Variants in CACNA2D3 observed in about 807,000 individuals in gnomAD.
The protein encoded by CACNA2D3 is calcium voltage-gated channel auxiliary subunit alpha2delta 3.
A neutral mutation model predicts 160.6 loss-of-function variants in CACNA2D3; 60 were observed. The observed-to-expected ratio is 0.37, with a 90% CI of 0.30 to 0.46. The LOEUF (loss-of-function observed/expected upper bound fraction) is 0.46, where lower values mean the gene tolerates loss of function less well. CACNA2D3 is among the 20% of genes least tolerant of loss of function. CACNA2D3 has a pLI of 1.00. For synonymous variants in CACNA2D3, 558 were observed against 492.9 expected (o/e 1.13, Z -1.75); for missense variants, 1,205 against 1,365.0 (o/e 0.88, Z 1.85).
At chr3:54,537,998 T>TCACTAACATTTTTCACC (rs1391421775) in intron 5 of CACNA2D3, among the ~76,000 whole-genome samples, 4 of 152,130 alleles carry the variant, frequency 2.6e-5, no homozygotes, top group African/African-American at 9.7e-5. Flanking sequence ...TGCTCTTCAT[T>TCACTAACATTTTTCACC]CACTAACATT....
chr3:54,373,341 T>C (rs756152499), intron 3 of CACNA2D3, among the ~76,000 whole-genome samples: 2 of 152,192 alleles, frequency 1.3e-5, no homozygotes, highest in East Asian at 3.8e-4. Context: ...CTTGGTCTTA[T>C]TACACAGGGT....
At chr3:54,525,171 T>C (rs1211298137) in intron 5 of CACNA2D3, among the ~76,000 whole-genome samples, 1 of 152,188 alleles carries the variant, frequency 6.6e-6, no homozygotes, top group Non-Finnish European at 1.5e-5. Flanking sequence ...AATGTATTTC[T>C]GGATATTTTT....
intron 2 of CACNA2D3, among the ~76,000 whole-genome samples, chr3:54,288,876 T>C (rs185819367): frequency 2.0e-5 from 3 of 152,276 alleles, no homozygotes; most frequent in Admixed American, 2.0e-4. Context: ...TCAACAACCT[T>C]CATGCTAAAA....
At chr3:54,302,898 G>T (rs1174946432) in intron 2 of CACNA2D3, among the ~76,000 whole-genome samples, 1 of 151,882 alleles carries the variant, frequency 6.6e-6, no homozygotes, top group Non-Finnish European at 1.5e-5. Flanking sequence ...GTTATTGAGG[G>T]TGATCTTATT....
chr3:54,927,009 A>G (rs1701041631), intron 27 of CACNA2D3, among the ~76,000 whole-genome samples: 1 of 152,202 alleles, frequency 6.6e-6, no homozygotes, highest in Non-Finnish European at 1.5e-5. Flanking sequence ...ACATCTGCCA[A>G]GGGCATTTTA....
Position 54,433,620 on chromosome 3 carries a change from A to T in CACNA2D3, c.381+46846A>T, listed in dbSNP as rs187235113. 6.6e-5 allele frequency among the ~76,000 whole-genome samples: 10 copies of T among 152,314 alleles called. No homozygotes were observed. The East Asian group carries it at 1.7e-3, about 27-fold the overall frequency. On this transcript the variant is annotated intron_variant, in intron 4 of 37. Coordinates refer to ENST00000474759, the MANE Select transcript of CACNA2D3 (RefSeq NM_018398.3). ...TAGATATCACATAACAAATGAGCGT[A>T]GGAAGACTTTGAAAGATGGGAGAAG...
At chr3:54,276,674 G>C (rs1559905012) in intron 2 of CACNA2D3, among the ~76,000 whole-genome samples, 2 of 152,130 alleles carry the variant, frequency 1.3e-5, no homozygotes. Context: ...AGGGAAAAGA[G>C]GAATTAGGGA....
chr3:55,048,913 A>T (rs1168159628), intron 35 of CACNA2D3, among the ~76,000 whole-genome samples: 2 of 136,318 alleles, frequency 1.5e-5, no homozygotes, highest in Non-Finnish European at 3.2e-5. Flanking sequence ...GTATTCTCTG[A>T]TGGTAGTTTG....
chr3:54,549,473 A>G (rs76068168), intron 5 of CACNA2D3, among the ~76,000 whole-genome samples: 5,908 of 152,220 alleles, frequency 0.039, 259 homozygotes, highest in East Asian at 0.15. Flanking sequence ...CAAACAAACA[A>G]AAAAACAAAC....
intron 5 of CACNA2D3, among the ~76,000 whole-genome samples, chr3:54,513,252 T>C (rs1233587954): frequency 6.6e-6 from 1 of 152,174 alleles, no homozygotes; most frequent in Non-Finnish European, 1.5e-5. Context: ...TTTCATTTTT[T>C]ACACTCTTTT....
chr3:54,235,752 T>C (rs941206840), intron 2 of CACNA2D3, among the ~76,000 whole-genome samples: 3 of 152,198 alleles, frequency 2.0e-5, no homozygotes, highest in Admixed American at 2.0e-4. Flanking sequence ...ATACTCACAA[T>C]ATGTATAAAT....
At chr3:54,261,577 C>G (rs568197359) in intron 2 of CACNA2D3, among the ~76,000 whole-genome samples, 11 of 152,320 alleles carry the variant, frequency 7.2e-5, no homozygotes, top group African/African-American at 2.2e-4. Flanking sequence ...GCCACAGAAT[C>G]TCCCTATCTG....
In CACNA2D3 at chr3:54,846,048, G is replaced by C. The variant is rs1360038721; in HGVS notation, c.1552-345G>C. 3.9e-5 allele frequency among the ~76,000 whole-genome samples: 6 copies of C among 152,192 alleles called. No individual in the cohort carries two copies. The East Asian group carries it at 1.2e-3, about 29-fold the overall frequency. On this transcript the variant is annotated intron_variant, in intron 16 of 37. Transcript: ENST00000474759. Reference sequence around the variant, plus strand: ...AAGGCACCTCCATTGATAAAGTTCTGTGCACTTGGACATAGGGTCTTTACA... The same window carrying C: ...AAGGCACCTCCATTGATAAAGTTCTCTGCACTTGGACATAGGGTCTTTACA...
intron 3 of CACNA2D3, among the ~76,000 whole-genome samples, chr3:54,335,664 A>T (rs1704358105): frequency 6.6e-6 from 1 of 152,152 alleles, no homozygotes; most frequent in African/African-American, 2.4e-5. Flanking sequence ...ACTGTCTAGA[A>T]ATGCAGCCCA....
At chr3:54,312,555 A>G (rs1703765243) in intron 2 of CACNA2D3, among the ~76,000 whole-genome samples, 1 of 152,180 alleles carries the variant, frequency 6.6e-6, no homozygotes, top group South Asian at 2.1e-4. Flanking sequence ...ACCAACCCAA[A>G]CGTATGAACA....
chr3:54,373,301 G>A (rs573755074), intron 3 of CACNA2D3, among the ~76,000 whole-genome samples: 2 of 152,274 alleles, frequency 1.3e-5, no homozygotes, highest in Admixed American at 6.5e-5. Flanking sequence ...GCATGTGGTT[G>A]ACTTTCCCTT....
intron 3 of CACNA2D3, among the ~76,000 whole-genome samples, chr3:54,361,174 A>C (rs987284112): frequency 1.3e-5 from 2 of 151,488 alleles, no homozygotes; most frequent in Non-Finnish European, 2.9e-5. Context: ...TTTTTATGGA[A>C]GGTTAAGTAC....
At chr3:54,840,403 C>CTTTTTTTTTTTTTTTTTTTTTTTTTT (rs1174129020) in intron 16 of CACNA2D3, among the ~76,000 whole-genome samples, 1 of 73,448 alleles carries the variant, frequency 1.4e-5, no homozygotes. Context: ...AGAACCATGT[C>CTTTTTTTTTTTTTTTTTTTTTTTTTT]TTTTTTTTTT....
At chr3:54,414,833 T>C (rs1464501231) in intron 4 of CACNA2D3, among the ~76,000 whole-genome samples, 2 of 150,980 alleles carry the variant, frequency 1.3e-5, no homozygotes, top group Non-Finnish European at 1.5e-5. Flanking sequence ...CTGGGCTTTC[T>C]CAGAGCCTGG....
Sources: gnomAD v4.1 joint callset for allele counts (sites outside exome capture counted in the v4.1 genomes callset) on GRCh38, gnomAD v4.1.1 for gene constraint, MANE v1.5 for transcripts, NCBI Gene and HGNC (gene_info 2026-07-23, HGNC 2026-07-21) for gene names.